SLC22A3: variants seen among roughly 807,000 people sequenced by gnomAD.
SLC22A3 encodes EMT organic cation transporter 3.
SLC22A3 carries 51 observed loss-of-function variants against 59.1 expected under a neutral mutation model. That is an observed-to-expected ratio of 0.86 (90% CI 0.69 to 1.09). The LOEUF is 1.09. Ranked by LOEUF, SLC22A3 falls within the 50% of genes least tolerant of loss-of-function variation. SLC22A3 has a pLI of 0.00. For synonymous variants in SLC22A3, 325 were observed against 292.0 expected (o/e 1.11, Z -1.15); for missense variants, 711 against 726.3 (o/e 0.98, Z 0.24).
chr6:160,441,361 G>C (rs1788532044), intron 7 of SLC22A3, among the ~76,000 whole-genome samples: 1 of 152,056 alleles, frequency 6.6e-6, no homozygotes, highest in African/African-American at 2.4e-5. Flanking sequence ...CAAACCTTCT[G>C]CTCCAGAGCA....
chr6:160,431,911 G>A (rs1788163569), intron 5 of SLC22A3, among the ~76,000 whole-genome samples: 1 of 152,052 alleles, frequency 6.6e-6, no homozygotes, highest in Non-Finnish European at 1.5e-5. Context: ...CAGCATTCAG[G>A]GTTGGCCAGA....
intron 5 of SLC22A3, among the ~76,000 whole-genome samples, chr6:160,428,332 TAAA>T (rs914040003): frequency 6.6e-6 from 1 of 152,118 alleles, no homozygotes; most frequent in Admixed American, 6.5e-5. Flanking sequence ...ACTAATGGAA[TAAA>T]ATATCTTCTC....
intron 5 of SLC22A3, among the ~76,000 whole-genome samples, chr6:160,416,478 C>A (rs1413952808): frequency 2.7e-5 from 4 of 148,214 alleles, no homozygotes; most frequent in African/African-American, 7.7e-5. Context: ...AAAAAAAAAA[C>A]AAATTATGGG....
At chr6:160,351,105 T>TCTTTG (rs1562463419) in intron 1 of SLC22A3, among the ~76,000 whole-genome samples, 1 of 152,118 alleles carries the variant, frequency 6.6e-6, no homozygotes, top group East Asian at 1.9e-4. Context: ...GAGAGATTCT[T>TCTTTG]TTTTGTTTTG....
intron 10 of SLC22A3, among the ~76,000 whole-genome samples, chr6:160,449,210 T>TTTTTTG (rs773674267): frequency 2.8e-4 from 43 of 152,222 alleles, no homozygotes; most frequent in Admixed American, 9.8e-4. Flanking sequence ...TAGGAGAGGT[T>TTTTTTG]TTTTTGTTTT....
chr6:160,366,321 C>T (rs1785203192), intron 1 of SLC22A3, among the ~76,000 whole-genome samples: 1 of 152,210 alleles, frequency 6.6e-6, no homozygotes, highest in Non-Finnish European at 1.5e-5. Context: ...TAAATACAGC[C>T]ATTCCAAATG....
intron 1 of SLC22A3, among the ~76,000 whole-genome samples, chr6:160,364,590 G>C (rs16891506): frequency 0.031 from 4,776 of 152,274 alleles, 245 homozygotes; most frequent in African/African-American, 0.11. Flanking sequence ...GTAAAGGGAG[G>C]CTATCAAAAC....
At chr6:160,381,854 A>G (rs1287369439) in intron 1 of SLC22A3, among the ~76,000 whole-genome samples, 2 of 152,230 alleles carry the variant, frequency 1.3e-5, no homozygotes, top group South Asian at 2.1e-4. Context: ...TGTGGTGACA[A>G]TAACACTTCA....
At chr6:160,421,159 G>A (rs548968976) in intron 5 of SLC22A3, among the ~76,000 whole-genome samples, 7 of 152,306 alleles carry the variant, frequency 4.6e-5, no homozygotes, top group East Asian at 1.9e-4. Context: ...TCCTAGAGAC[G>A]GCTGCTGCCA....
chr6:160,426,190 C>T (rs2114893631), intron 5 of SLC22A3: 1 of 985,426 alleles, frequency 1.0e-6, no homozygotes, highest in South Asian at 4.7e-5. Flanking sequence ...TGGAATACTT[C>T]TCAGCATTTT....
At chr6:160,411,864 G>A (rs1787266013) in intron 5 of SLC22A3, among the ~76,000 whole-genome samples, 1 of 152,152 alleles carries the variant, frequency 6.6e-6, no homozygotes, top group African/African-American at 2.4e-5. Flanking sequence ...TTAGAGAATA[G>A]CATATAAAGA....
At chr6:160,426,173 C>T in intron 5 of SLC22A3, 1 of 985,438 alleles carries the variant, frequency 1.0e-6, no homozygotes, top group Non-Finnish European at 1.2e-6. Context: ...CTATACCTGA[C>T]TTTCTCTGGA....
Position 160,374,944 on chromosome 6 carries a change from C to T in SLC22A3, c.430-23035C>T, listed in dbSNP as rs536381040. Among the ~76,000 whole-genome samples the T allele has an allele frequency of 8.9e-4, 136 of 152,314 alleles. 1 individual carries two copies. Among genetic ancestry groups the T allele is most frequent in the Non-Finnish European group, 1.6e-3 (106 of 68,026 alleles). Reference sequence around the variant, plus strand: ...GCCAGAGGCTGGGGTATCTCTGCTGCCCAGGTGCACTCCACAGAGACAGAG... The same window carrying T: ...GCCAGAGGCTGGGGTATCTCTGCTGTCCAGGTGCACTCCACAGAGACAGAG... On this transcript the variant is annotated intron_variant, in intron 1 of 10. Transcript: ENST00000275300.
rs1160823614 is a variant in SLC22A3, at chr6:160,451,699, T to C, written c.*643T>C. 6.5e-6 allele frequency: 1 copy of C among 152,838 alleles called. No homozygotes were observed. Among genetic ancestry groups the C allele is most frequent in the Non-Finnish European group, 1.5e-5 (1 of 68,498 alleles). The allele number at this position is 152,838 out of a possible 1,614,324, so 9.5% of individuals were successfully genotyped here. A position where few individuals can be genotyped will look rare whatever the true frequency, so the allele number is the denominator to read the frequency against. On this transcript the variant is annotated 3_prime_UTR_variant, in exon 11 of 11. Transcript: ENST00000275300. ...AACAGCTGGGGTTCCAGGCATGGTTTAGGCCCTGTTCCAGCAATAAGAACC... is the reference window on the plus strand; with the variant it reads ...AACAGCTGGGGTTCCAGGCATGGTTCAGGCCCTGTTCCAGCAATAAGAACC...
chr6:160,368,556 C>T (rs1209500018), intron 1 of SLC22A3, among the ~76,000 whole-genome samples: 1 of 152,160 alleles, frequency 6.6e-6, no homozygotes, highest in East Asian at 1.9e-4. Context: ...TGCAGCTGAG[C>T]ACCTGTAATT....
At chr6:160,431,374 C>T (rs1032885853) in intron 5 of SLC22A3, among the ~76,000 whole-genome samples, 4 of 152,170 alleles carry the variant, frequency 2.6e-5, no homozygotes, top group Admixed American at 6.5e-5. Flanking sequence ...CCTTTGGATG[C>T]CTAGAAAGTG....
Position 160,348,379 on chromosome 6 carries a change from C to G in SLC22A3, c.-41C>G, listed in dbSNP as rs763441146. On this transcript the variant is annotated 5_prime_UTR_variant, in exon 1 of 11. Transcript: ENST00000275300. ...GGCCGCCGGCTGGGTCCGCGGGTCA[C>G]TCCGAGGCGCGGGCTGCGGGCGGCG... 2 of 1,418,282 alleles carry G rather than the reference C, an allele frequency of 1.4e-6. No homozygotes were observed. Among genetic ancestry groups the G allele is most frequent in the Admixed American group, 2.9e-5 (1 of 34,776 alleles). The allele number at this position is 1,418,282 out of a possible 1,614,324, so 87.9% of individuals were successfully genotyped here.
Position 160,451,183 on chromosome 6 carries a change from G to T in SLC22A3, c.*127G>T. 1.3e-6 allele frequency: 1 copy of T among 796,064 alleles called. No individual in the cohort carries two copies. Among genetic ancestry groups the T allele is most frequent in the Middle Eastern group, 2.2e-4 (1 of 4,460 alleles). The allele number at this position is 796,064 out of a possible 1,614,324, so 49.3% of individuals were successfully genotyped here. A position where few individuals can be genotyped will look rare whatever the true frequency, so the allele number is the denominator to read the frequency against. ...CCGCGCTGTTGTAATACTGTATAAA[G>T]ACCTCAATCTATCCAGAGTATTTTT... On this transcript the variant is annotated 3_prime_UTR_variant, in exon 11 of 11. Coordinates refer to ENST00000275300, the MANE Select transcript of SLC22A3 (RefSeq NM_021977.4).
chr6:160,398,261 CT>C (rs1441322026), intron 2 of SLC22A3, among the ~76,000 whole-genome samples, 179 bp downstream of exon 2: 3 of 152,216 alleles, frequency 2.0e-5, no homozygotes, highest in African/African-American at 7.2e-5. Flanking sequence ...TCTTTTCAAA[CT>C]TCATCTCCTT....
Sources: allele counts gnomAD v4.1 joint callset (sites outside exome capture counted in the v4.1 genomes callset), GRCh38; gene constraint gnomAD v4.1.1; transcripts MANE v1.5; gene names NCBI Gene and HGNC (gene_info 2026-07-23, HGNC 2026-07-21).